TRAPPC9: variants seen among roughly 807,000 people sequenced by gnomAD.
TRAPPC9 encodes IKK2 binding protein.
TRAPPC9 carries 83 observed loss-of-function variants against 124.0 expected under a neutral mutation model. The observed-to-expected ratio is 0.67, with a 90% CI of 0.56 to 0.80. The LOEUF (loss-of-function observed/expected upper bound fraction) is 0.80, where lower values mean the gene tolerates loss of function less well. TRAPPC9 is among the 30% of genes least tolerant of loss of function. The pLI is 0.00. For synonymous variants in TRAPPC9, 638 were observed against 617.5 expected (o/e 1.03, Z -0.49); for missense variants, 1,302 against 1,508.3 (o/e 0.86, Z 2.27).
intron 10 of TRAPPC9, among the ~76,000 whole-genome samples, chr8:140,309,766 C>T (rs1260214787): frequency 6.6e-6 from 1 of 152,248 alleles, no homozygotes; most frequent in Non-Finnish European, 1.5e-5. Flanking sequence ...TGCTCCACAG[C>T]CTGCCTGAGT....
intron 17 of TRAPPC9, among the ~76,000 whole-genome samples, chr8:140,072,651 AGATATACACT>A (rs1186425381): frequency 1.3e-5 from 2 of 151,572 alleles, no homozygotes; most frequent in African/African-American, 4.9e-5. Context: ...GGCAAGCCAC[AGATATACACT>A]AGGAGAACGT....
chr8:139,884,257 C>A (rs1357170641), intron 21 of TRAPPC9, among the ~76,000 whole-genome samples: 1 of 151,994 alleles, frequency 6.6e-6, no homozygotes, highest in Admixed American at 6.5e-5. Flanking sequence ...GGACTTCTCC[C>A]CGCTCAGCCT....
chr8:140,315,998 T>C (rs1321748833), intron 9 of TRAPPC9, among the ~76,000 whole-genome samples: 1 of 152,200 alleles, frequency 6.6e-6, no homozygotes, highest in Non-Finnish European at 1.5e-5. Context: ...ATTGTATCTT[T>C]GACTATGGCT....
chr8:140,292,800 C>T (rs1035977807), intron 11 of TRAPPC9, among the ~76,000 whole-genome samples: 2 of 147,944 alleles, frequency 1.4e-5, no homozygotes, highest in African/African-American at 5.1e-5. Context: ...AGGACATAGG[C>T]ATGGGCAAGG....
At chr8:139,765,161 C>T (rs1313923647) in intron 21 of TRAPPC9, among the ~76,000 whole-genome samples, 2 of 152,150 alleles carry the variant, frequency 1.3e-5, no homozygotes, top group Non-Finnish European at 2.9e-5. Flanking sequence ...GCTGCCTGGT[C>T]CCCCCAAACA....
At chr8:140,203,386 T>A (rs1236606275) in intron 17 of TRAPPC9, among the ~76,000 whole-genome samples, 1 of 152,214 alleles carries the variant, frequency 6.6e-6, no homozygotes, top group Non-Finnish European at 1.5e-5. Context: ...TCAACGGTAT[T>A]CCTGCACTAG....
intron 9 of TRAPPC9, among the ~76,000 whole-genome samples, chr8:140,352,382 G>A (rs1019364264): frequency 2.6e-5 from 4 of 152,144 alleles, no homozygotes; most frequent in Admixed American, 6.5e-5. Flanking sequence ...CAGTTGTTTC[G>A]GAAGTTTAAG....
rs6997060 is a variant in TRAPPC9 at position 139,900,353 on chromosome 8, C to T, written c.2964+9794G>A. On this transcript the variant is annotated intron_variant, in intron 20 of 22. Transcript: ENST00000438773. ...CATTGCCTTATCTGGGATGTCTCTA[C>T]CCTGGAAACCAACCCTTCTGTCCTC... is the stretch of plus-strand genomic sequence containing the variant. 8.2e-3 allele frequency among the ~76,000 whole-genome samples: 1,253 copies of T among 152,264 alleles called. 9 individuals are homozygous for T. Among genetic ancestry groups the T allele is most frequent in the African/African-American group, 0.029 (1,192 of 41,544 alleles).
At chr8:139,988,160 G>A (rs1245353523) in intron 19 of TRAPPC9, among the ~76,000 whole-genome samples, 1 of 145,258 alleles carries the variant, frequency 6.9e-6, no homozygotes, top group Non-Finnish European at 1.5e-5. Flanking sequence ...CCAGGCTGGA[G>A]TACGGTGGTA....
At chr8:140,072,588 AAGGG>A (rs1843238773) in intron 17 of TRAPPC9, among the ~76,000 whole-genome samples, 1 of 24,994 alleles carries the variant, frequency 4.0e-5, no homozygotes, top group African/African-American at 1.7e-4. Flanking sequence ...GGAGGAGGAG[AAGGG>A]AAGGAGGAGG....
intron 18 of TRAPPC9, among the ~76,000 whole-genome samples, chr8:140,015,829 G>C: frequency 6.6e-6 from 1 of 152,030 alleles, no homozygotes; most frequent in East Asian, 1.9e-4. Flanking sequence ...TATAAACGGG[G>C]TCATCCCTTT....
At chr8:139,833,834 C>G (rs1394378473) in intron 21 of TRAPPC9, among the ~76,000 whole-genome samples, 1 of 152,172 alleles carries the variant, frequency 6.6e-6, no homozygotes, top group Non-Finnish European at 1.5e-5. Flanking sequence ...CGGGAATGAA[C>G]TTGAGTGTGG....
In TRAPPC9 at chr8:140,053,721, A is replaced by C. The variant is rs552781710; in HGVS notation, c.2557-29642T>G. On this transcript the variant is annotated intron_variant, in intron 17 of 22. Transcript: ENST00000438773. ...TCCCTTTAGTCAGTGTTTGCTTTACATTTAGGTGCTGTGATGTTGGGTGCG... is the reference window on the plus strand; with the variant it reads ...TCCCTTTAGTCAGTGTTTGCTTTACCTTTAGGTGCTGTGATGTTGGGTGCG... Among the ~76,000 whole-genome samples, 4 of 152,200 alleles carry C rather than the reference A, an allele frequency of 2.6e-5. No homozygotes were observed. In the South Asian group the frequency reaches 8.3e-4, roughly 32 times the overall value.
At chr8:139,841,533 TGGTCAAC>T (rs1253717891) in intron 21 of TRAPPC9, among the ~76,000 whole-genome samples, 1 of 152,202 alleles carries the variant, frequency 6.6e-6, no homozygotes, top group African/African-American at 2.4e-5. Context: ...ACTGTGCTCA[TGGTCAAC>T]ACACCTGCCG....
intron 21 of TRAPPC9, among the ~76,000 whole-genome samples, chr8:139,833,281 A>G (rs1034051960): frequency 2.0e-5 from 3 of 152,186 alleles, no homozygotes; most frequent in East Asian, 3.9e-4. Context: ...CCCTTCCCCC[A>G]GCCGACTTCC....
At chr8:140,273,477 G>A (rs748398056) in intron 15 of TRAPPC9, among the ~76,000 whole-genome samples, 12 of 152,310 alleles carry the variant, frequency 7.9e-5, no homozygotes, top group South Asian at 2.1e-4. Context: ...CAGGCCGCCC[G>A]TGTTTTTGTT....
chr8:140,347,050 C>G (rs964845914), intron 9 of TRAPPC9, among the ~76,000 whole-genome samples: 2 of 152,212 alleles, frequency 1.3e-5, no homozygotes, highest in African/African-American at 4.8e-5. Context: ...CAGCATCCCA[C>G]CCATAGCTCC....
At chr8:140,405,297 C>A (rs1022162501) in intron 6 of TRAPPC9, 5 of 296,782 alleles carry the variant, frequency 1.7e-5, no homozygotes, top group African/African-American at 1.1e-4. Flanking sequence ...ATAAAAGAAC[C>A]AGAAAATAGA....
chr8:139,967,539 G>A (rs1358004903), intron 19 of TRAPPC9, among the ~76,000 whole-genome samples: 3 of 152,228 alleles, frequency 2.0e-5, no homozygotes, highest in Non-Finnish European at 2.9e-5. Flanking sequence ...GGGGCTCCCA[G>A]TGGAGAGACT....
Sources: gnomAD v4.1 joint callset for allele counts (sites outside exome capture counted in the v4.1 genomes callset) on GRCh38, gnomAD v4.1.1 for gene constraint, MANE v1.5 for transcripts, NCBI Gene and HGNC (gene_info 2026-07-23, HGNC 2026-07-21) for gene names.